TBC1D21: variants seen among roughly 807,000 people sequenced by gnomAD.
TBC1D21 encodes the protein male germ cell Rab GTPase-activating protein.
Under a neutral mutation model 46.0 loss-of-function variants are expected in TBC1D21, and 38 were observed. The observed-to-expected ratio is 0.83, with a 90% confidence interval of 0.64 to 1.08. The LOEUF (loss-of-function observed/expected upper bound fraction) is 1.08, where lower values mean the gene tolerates loss of function less well. Among genes scored for constraint, TBC1D21 ranks in the 50% least tolerant of loss-of-function variants. The probability of loss-of-function intolerance (pLI) is 0.00; values close to 1 mark genes in which losing one functional copy is unlikely to be tolerated. For missense variants in TBC1D21, 415 were observed against 417.9 expected, an observed-to-expected ratio of 0.99 and a Z score of 0.06; for synonymous variants, 151 against 157.2, an observed-to-expected ratio of 0.96 and a Z score of 0.29.
chr15:73,885,523 G>A (rs2068228705), intron 6 of TBC1D21, among the ~76,000 whole-genome samples: 1 of 151,934 alleles, frequency 6.6e-6, no homozygotes, highest in Non-Finnish European at 1.5e-5. Context: ...TGAATTCCAG[G>A]CACACCAGGG....
chr15:73,882,166 C>T (rs1212380704), intron 3 of TBC1D21, among the ~76,000 whole-genome samples: 2 of 152,166 alleles, frequency 1.3e-5, no homozygotes, highest in Non-Finnish European at 2.9e-5. Context: ...CTGCCTGTGC[C>T]CACTGTTTCC....
downstream of TBC1D21, among the ~76,000 whole-genome samples, chr15:73,890,919 G>A (rs114293542): frequency 0.014 from 2,185 of 152,028 alleles, 44 homozygotes; most frequent in African/African-American, 0.05. Context: ...TGTGTTATCT[G>A]CAAGGAGCCT....
intron 1 of TBC1D21, among the ~76,000 whole-genome samples, chr15:73,874,915 G>C (rs561216250): frequency 2.2e-4 from 33 of 152,286 alleles, no homozygotes; most frequent in African/African-American, 7.9e-4. Flanking sequence ...CCTTGTTACG[G>C]TTGGGAGTCT....
At chr15:73,875,246 CAAA>C (rs36042249) in intron 1 of TBC1D21, among the ~76,000 whole-genome samples, 38 of 102,598 alleles carry the variant, frequency 3.7e-4, no homozygotes, top group Admixed American at 1.6e-3. Flanking sequence ...GAGACTCCAT[CAAA>C]AAAAAAAAAA....
chr15:73,887,562 C>T (rs2068270095), intron 8 of TBC1D21, 58 bp from the exon 9 acceptor site: 8 of 1,507,610 alleles, frequency 5.3e-6, no homozygotes, highest in Admixed American at 3.4e-5. Context: ...CCTCACCATC[C>T]TCAGGGCATC....
chr15:73,881,311 T>G, intron 1 of TBC1D21, 88 bp from the exon 2 acceptor site: 1 of 954,440 alleles, frequency 1.0e-6, no homozygotes, highest in Non-Finnish European at 1.6e-6. Flanking sequence ...TTGATACATA[T>G]TGCAAAGTCC....
intron 8 of TBC1D21, 135 bp downstream of exon 8, chr15:73,886,747 A>T (rs999353646): frequency 1.8e-5 from 14 of 769,946 alleles, no homozygotes; most frequent in Admixed American, 6.3e-5. Context: ...TTAGGTCAGC[A>T]ACCCTGCTCC....
At chr15:73,886,296 C>A in intron 7 of TBC1D21, 122 bp downstream of exon 7, 1 of 956,712 alleles carries the variant, frequency 1.0e-6, no homozygotes, top group Non-Finnish European at 1.6e-6. Flanking sequence ...TTGATTGCTT[C>A]TCCAGGCCCT....
At chr15:73,898,880 A>AAAAAAAAAAATATATATATATATAT in the TBC1D21 span, among the ~76,000 whole-genome samples, 8 of 56,792 alleles carry the variant, frequency 1.4e-4, no homozygotes, top group Admixed American at 2.7e-4. Flanking sequence ...AAAAAAAAAA[A>AAAAAAAAAAATATATATATATATAT]ATATATATAT....
intron 6 of TBC1D21, 44 bp from the exon 7 acceptor site, chr15:73,886,034 T>G: frequency 6.3e-7 from 1 of 1,585,016 alleles, no homozygotes; most frequent in Non-Finnish European, 8.7e-7. Flanking sequence ...TCCGGTGCCT[T>G]GAAGCCAAGG....
Position 73,886,062 on chromosome 15 carries a change from C to T in TBC1D21, c.580-16C>T, listed in dbSNP as rs2068239779. Reference sequence around the variant, plus strand: ...AGCCAAGGGGGACTCAGTCTGTCTCCCACCATCGTGTGCAGGAACACAGCT... The same window carrying T: ...AGCCAAGGGGGACTCAGTCTGTCTCTCACCATCGTGTGCAGGAACACAGCT... On this transcript the variant is annotated splice_polypyrimidine_tract_variant and intron_variant, in intron 6 of 10. Coordinates refer to ENST00000300504, the MANE Select transcript of TBC1D21 (RefSeq NM_153356.3). 3.7e-6 allele frequency: 6 copies of T among 1,613,162 alleles called. No homozygotes were observed. In the Admixed American group the frequency reaches 1.0e-4, roughly 27 times the overall value.
At chr15:73,903,664 A>T in the TBC1D21 span, among the ~76,000 whole-genome samples, 2 of 152,196 alleles carry the variant, frequency 1.3e-5, no homozygotes, top group African/African-American at 4.8e-5. Flanking sequence ...CAATGCCAAT[A>T]AGAAAAGACC....
intron 8 of TBC1D21, 49 bp from the exon 9 acceptor site, chr15:73,887,571 T>A: frequency 6.5e-7 from 1 of 1,540,288 alleles, no homozygotes; most frequent in Non-Finnish European, 9.0e-7. Flanking sequence ...CCTCAGGGCA[T>A]CTGCAGTCTC....
the TBC1D21 span, among the ~76,000 whole-genome samples, chr15:73,902,780 C>T: frequency 8.5e-5 from 13 of 152,314 alleles, no homozygotes; most frequent in African/African-American, 2.6e-4. Flanking sequence ...TGGGTCATGC[C>T]GAGCCAATCC....
At chr15:73,892,825 G>C (rs2068347730), downstream of TBC1D21, among the ~76,000 whole-genome samples, 1 of 152,256 alleles carries the variant, frequency 6.6e-6, no homozygotes, top group Admixed American at 6.5e-5. Flanking sequence ...TTTCAAGCTG[G>C]AAAGGAATAC....
the TBC1D21 span, among the ~76,000 whole-genome samples, chr15:73,904,006 C>T: frequency 7.0e-4 from 106 of 152,302 alleles, no homozygotes; most frequent in South Asian, 8.3e-4. Flanking sequence ...TGAGATCACG[C>T]CACTGCACTC....
chr15:73,876,212 T>TGTG (rs1567062301), intron 1 of TBC1D21, among the ~76,000 whole-genome samples: 7 of 36,512 alleles, frequency 1.9e-4, no homozygotes, highest in East Asian at 1.7e-3. Context: ...TTTTTTTTTT[T>TGTG]TTTTTTTTTT....
At position 73,881,765 on chromosome 15, in the gene TBC1D21, C is replaced by T. The variant is rs1312668523; in HGVS notation, c.272+18C>T. On this transcript the variant is annotated intron_variant, in intron 3 of 10. Coordinates refer to ENST00000300504, the MANE Select transcript of TBC1D21 (RefSeq NM_153356.3). ...ATGAGGAGGTAGAACACTCCAGACC[C>T]TGCTGGGACAGGAGGGGGGCCTGCA... The T allele has an allele frequency of 6.2e-7, 1 of 1,610,402 alleles. No homozygotes were observed. Among genetic ancestry groups the T allele is most frequent in the Non-Finnish European group, 8.5e-7 (1 of 1,177,784 alleles).
chr15:73,881,781 G>A lies in TBC1D21; in HGVS notation c.272+34G>A, dbSNP rs2068160461. The A allele has an allele frequency of 1.9e-6, 3 of 1,590,350 alleles. No homozygotes were observed. The East Asian group carries it at 6.7e-5, about 36-fold the overall frequency. On this transcript the variant is annotated intron_variant, in intron 3 of 10. Transcript: ENST00000300504. The stretch of plus-strand genomic sequence containing the variant: ...CTCCAGACCCTGCTGGGACAGGAGG[G>A]GGGCCTGCAGGTGGCAGGTGCTGCC...
Sources: gnomAD v4.1 joint callset for allele counts (sites outside exome capture counted in the v4.1 genomes callset) on GRCh38, gnomAD v4.1.1 for gene constraint, MANE v1.5 for transcripts, NCBI Gene and HGNC (gene_info 2026-07-23, HGNC 2026-07-21) for gene names.